ZNF607: variants seen among roughly 807,000 people sequenced by gnomAD.
ZNF607 encodes the protein zinc finger protein 607.
ZNF607 carries 5 observed loss-of-function variants against 12.8 expected under a neutral mutation model. The observed-to-expected ratio is 0.39, with a 90% CI of 0.20 to 0.82. The LOEUF is 0.82. Ranked by LOEUF, ZNF607 falls within the 40% of genes least tolerant of loss-of-function variation. ZNF607 has a pLI of 0.39. For synonymous variants in ZNF607, 287 were observed against 276.2 expected, an observed-to-expected ratio of 1.04 and a Z score of -0.39; for missense variants, 851 against 859.2, an observed-to-expected ratio of 0.99 and a Z score of 0.12.
At chr19:37,714,609 A>AATTT (rs2045160948) in intron 1 of ZNF607, among the ~76,000 whole-genome samples, 1 of 151,138 alleles carries the variant, frequency 6.6e-6, no homozygotes, top group African/African-American at 2.4e-5. Flanking sequence ...GTTACGTGGT[A>AATTT]TCCTGCTGAA....
At chr19:37,704,849 G>A (rs1425394319) in intron 4 of ZNF607, among the ~76,000 whole-genome samples, 1 of 149,146 alleles carries the variant, frequency 6.7e-6, no homozygotes, top group Non-Finnish European at 1.5e-5. Flanking sequence ...TATTCAAGAG[G>A]CTGAGGCAGG....
chr19:37,716,930 C>G (rs571959508), intron 1 of ZNF607, among the ~76,000 whole-genome samples: 3 of 152,278 alleles, frequency 2.0e-5, no homozygotes, highest in East Asian at 3.9e-4. Context: ...TCTTGAACAG[C>G]CTTTAGCTGT....
At chr19:37,701,516 C>T (rs2045038497) in intron 4 of ZNF607, among the ~76,000 whole-genome samples, 1 of 152,146 alleles carries the variant, frequency 6.6e-6, no homozygotes, top group Admixed American at 6.5e-5. Flanking sequence ...GCGGTCTAAC[C>T]CTAGCCAATA....
At position 37,709,800 on chromosome 19, in the gene ZNF607, A is replaced by G; in HGVS notation, c.32T>C (p.Val11Ala). 6.2e-7 allele frequency: 1 copy of G among 1,613,720 alleles called. No individual in the cohort carries two copies. Among genetic ancestry groups the G allele is most frequent in the East Asian group, 2.2e-5 (1 of 44,882 alleles). ...CTCCTGATGAGAGAAGTCTATGGCCACATCCCCGAATGTTATTGATCCCTG... is the reference window on the plus strand; with the variant it reads ...CTCCTGATGAGAGAAGTCTATGGCCGCATCCCCGAATGTTATTGATCCCTG... MSYGSITFGD[V>A]AIDFSHQEWE... Residue 11 changes from valine to alanine, a missense_variant, in exon 3 of 5, where the codon GTG (valine) becomes GCG (alanine). Val to Ala is a moderately conservative substitution (Grantham distance 64). Coordinates refer to ENST00000355202, the MANE Select transcript of ZNF607 (RefSeq NM_032689.5).
At chr19:37,703,667 A>T (rs563409222) in intron 4 of ZNF607, among the ~76,000 whole-genome samples, 53 of 152,332 alleles carry the variant, frequency 3.5e-4, no homozygotes, top group African/African-American at 1.2e-3. Context: ...GACAACATAG[A>T]TTTCAGGACA....
chr19:37,707,978 GGT>G lies in ZNF607; in HGVS notation c.169_170del (p.Thr57LeufsTer28). 1.9e-6 allele frequency: 3 copies of G among 1,613,888 alleles called. No individual in the cohort carries two copies. The highest frequency in any genetic ancestry group is 2.5e-6 in the Non-Finnish European group (3 of 1,179,948). ...GHSVSKPDLI[T>X]LLEQGKEPWM... is the part of the protein sequence containing the mutation. ...ATGGCTCTTTTCCTTGCTCCAATAA[GGT>G]GATTAAATCTGGCTTAGATACGGAA... On this transcript the variant is annotated frameshift_variant, in exon 4 of 5. Coordinates refer to ENST00000355202, the MANE Select transcript of ZNF607 (RefSeq NM_032689.5). LOFTEE classifies it high-confidence loss of function.
chr19:37,703,862 C>T (rs1027079222), intron 4 of ZNF607, among the ~76,000 whole-genome samples: 6 of 152,244 alleles, frequency 3.9e-5, no homozygotes, highest in Middle Eastern at 3.4e-3. Flanking sequence ...ATTGGCCAGG[C>T]GTGGTGGCTC....
In ZNF607 at chr19:37,717,189, A is replaced by T. The variant is rs115942983; in HGVS notation, c.-75+2080T>A. 7.0e-3 allele frequency among the ~76,000 whole-genome samples: 1,060 copies of T among 152,088 alleles called. 10 individuals are homozygous for T. The highest frequency in any genetic ancestry group is 0.022 in the African/African-American group (909 of 41,476). On this transcript the variant is annotated intron_variant, in intron 1 of 4. Coordinates refer to ENST00000355202, the MANE Select transcript of ZNF607 (RefSeq NM_032689.5). Reference sequence around the variant, plus strand: ...ATTCCCTTTGTTTAATTTTAATTTTAAATTTTATTTTTTTGAGACGGAGTC... The same window carrying T: ...ATTCCCTTTGTTTAATTTTAATTTTTAATTTTATTTTTTTGAGACGGAGTC...
chr19:37,706,151 G>A (rs544479657), intron 4 of ZNF607, among the ~76,000 whole-genome samples: 1 of 151,600 alleles, frequency 6.6e-6, no homozygotes, highest in Admixed American at 6.6e-5. Context: ...CCAAAATGCC[G>A]CCACTTTTCT....
chr19:37,702,158 G>A (rs1025630383), intron 4 of ZNF607, among the ~76,000 whole-genome samples: 5 of 151,480 alleles, frequency 3.3e-5, no homozygotes, highest in African/African-American at 4.8e-5. Context: ...ATGGTGGCGG[G>A]CACCTGTAAT....
chr19:37,713,174 C>T (rs531104979), intron 1 of ZNF607, among the ~76,000 whole-genome samples: 1 of 151,978 alleles, frequency 6.6e-6, no homozygotes, highest in East Asian at 1.9e-4. Context: ...AGCCCATAGA[C>T]TCAGTGTAAT....
Position 37,697,696 on chromosome 19 carries a change from G to C in ZNF607, c.*344C>G. 1 of 304,856 alleles carries C rather than the reference G, an allele frequency of 3.3e-6. No individual in the cohort carries two copies. Among genetic ancestry groups the C allele is most frequent in the Non-Finnish European group, 6.1e-6 (1 of 165,264 alleles). The allele number at this position is 304,856 out of a possible 1,614,324, so 18.9% of individuals were successfully genotyped here. A position where few individuals can be genotyped will look rare whatever the true frequency, so the allele number is the denominator to read the frequency against. ...CAATAAATGATTGTTGCTGGAAGAT[G>C]TTTACATGCAAGTATAAAGAATGGT... On this transcript the variant is annotated 3_prime_UTR_variant, in exon 5 of 5. Coordinates refer to ENST00000355202, the MANE Select transcript of ZNF607 (RefSeq NM_032689.5).
Position 37,698,226 on chromosome 19 carries a change from A to T in ZNF607, c.1905T>A (p.His635Gln), listed in dbSNP as rs1298442719. The change falls in exon 5 of 5, where the codon CAT (histidine) becomes CAA (glutamine). Residue 635 changes from histidine to glutamine, a missense_variant. By Grantham distance (24) the His-to-Gln change is conservative. Coordinates refer to ENST00000355202, the MANE Select transcript of ZNF607 (RefSeq NM_032689.5). ...GATTTCCATCAGCATGAACGCTTTC[A>T]TGTCTAACAAGATATGAGGCACAGT... ...AFHCASYLVR[H>Q]ESVHADGNPY... 1.2e-6 allele frequency: 2 copies of T among 1,614,066 alleles called. No individual in the cohort carries two copies. The highest frequency in any genetic ancestry group is 8.5e-7 in the Non-Finnish European group (1 of 1,180,042).
rs2045007863 is a variant in ZNF607 at position 37,698,864 on chromosome 19, A to G, written c.1267T>C (p.Cys423Arg). The change falls in exon 5 of 5, where the codon TGT (cysteine) becomes CGT (arginine). Residue 423 changes from cysteine (C) to arginine (R), a missense_variant. Cys to Arg is a radical substitution (Grantham distance 180). Coordinates refer to ENST00000355202, the MANE Select transcript of ZNF607 (RefSeq NM_032689.5). ...CTGAAGGCCTTCCCACATTCCTTAC[A>G]TTTGTAGGGTTTCTCACCGGTATGA... is the stretch of plus-strand genomic sequence containing the variant. Reference protein sequence around the residue: ...NIHTGEKPYKCKECGKAFSQR... With the variant: ...NIHTGEKPYKRKECGKAFSQR... 2 of 1,613,934 alleles carry G rather than the reference A, an allele frequency of 1.2e-6. No individual in the cohort carries two copies. Among genetic ancestry groups the G allele is most frequent in the South Asian group, 1.1e-5 (1 of 91,080 alleles).
chr19:37,699,201 T>G lies in ZNF607; in HGVS notation c.930A>C (p.Glu310Asp). Residue 310 changes from glutamate (E) to aspartate (D), a missense_variant, in exon 5 of 5, where the codon GAA (glutamate) becomes GAC (aspartate). Transcript: ENST00000355202. ...TAAAGCCCTTCCCGCATTCCTTGCA[T>G]TCATAGGGTTTTTCTCCAGTATGAA... ...KRIHTGEKPY[E>D]CKECGKGFTC... The G allele has an allele frequency of 6.2e-7, 1 of 1,614,146 alleles. No individual in the cohort carries two copies. Among genetic ancestry groups the G allele is most frequent in the Non-Finnish European group, 8.5e-7 (1 of 1,180,014 alleles).
At chr19:37,712,346 G>A (rs2045140242) in intron 1 of ZNF607, among the ~76,000 whole-genome samples, 1 of 152,082 alleles carries the variant, frequency 6.6e-6, no homozygotes, top group Non-Finnish European at 1.5e-5. Flanking sequence ...GAGAAAGGCT[G>A]GCAGACAGAT....
Position 37,699,122 on chromosome 19 carries a change from AGT to A in ZNF607, c.1007_1008del (p.His336LeufsTer2). On this transcript the variant is annotated frameshift_variant, in exon 5 of 5. Transcript: ENST00000355202. LOFTEE classifies it low-confidence loss of function (END_TRUNC). ...GCCTCCCCATTTTCTTTACATTCAT[AGT>A]GTTTCTCCCCTGAATAAATTCTCTG... ...MHQRIYSGEK[H>X]YECKENGEAF... 1 of 1,614,142 alleles carries A rather than the reference AGT, an allele frequency of 6.2e-7. No individual in the cohort carries two copies. Among genetic ancestry groups the A allele is most frequent in the African/African-American group, 1.3e-5 (1 of 75,034 alleles).
chr19:37,696,760 T>G lies in ZNF607; in HGVS notation c.*1280A>C. 1 of 1,316,718 alleles carries G rather than the reference T, an allele frequency of 7.6e-7. No homozygotes were observed. Among genetic ancestry groups the G allele is most frequent in the South Asian group, 1.2e-5 (1 of 82,188 alleles). The allele number at this position is 1,316,718 out of a possible 1,614,324, so 81.6% of individuals were successfully genotyped here. A position where few individuals can be genotyped will look rare whatever the true frequency, so the allele number is the denominator to read the frequency against. On this transcript the variant is annotated 3_prime_UTR_variant, in exon 5 of 5. Transcript: ENST00000355202. ...GCCGTCCCCTGCAGTGGCCAGTGAG[T>G]TGGCGATCAGCTCAGCTGCCTTGGA... is the stretch of plus-strand genomic sequence containing the variant.
chr19:37,706,545 C>T (rs2045085884), intron 4 of ZNF607: 1 of 152,182 alleles, frequency 6.6e-6, no homozygotes, highest in Non-Finnish European at 1.5e-5. Flanking sequence ...TCTTGCAGGT[C>T]TCTCAGTTGG....
Sources: allele counts gnomAD v4.1 joint callset (sites outside exome capture counted in the v4.1 genomes callset), GRCh38; gene constraint gnomAD v4.1.1; transcripts MANE v1.5; gene names NCBI Gene and HGNC (gene_info 2026-07-23, HGNC 2026-07-21).